ATP9A: variants seen among roughly 807,000 people sequenced by gnomAD.
The protein encoded by ATP9A is probable phospholipid-transporting ATPase IIA.
A neutral mutation model predicts 144.1 loss-of-function variants in ATP9A; 52 were observed. The observed-to-expected ratio is 0.36, with a 90% CI of 0.29 to 0.45. The LOEUF (loss-of-function observed/expected upper bound fraction) is 0.45. Among genes scored for constraint, ATP9A ranks in the 20% least tolerant of loss-of-function variants. The pLI is 1.00. For synonymous variants in ATP9A, 582 were observed against 557.4 expected, an observed-to-expected ratio of 1.04 and a Z score of -0.62; for missense variants, 947 against 1,392.7, an observed-to-expected ratio of 0.68 and a Z score of 5.09.
At chr20:51,610,074 A>T in intron 24 of ATP9A, 27 bp downstream of exon 24, 1 of 1,558,378 alleles carries the variant, frequency 6.4e-7, no homozygotes, top group Non-Finnish European at 8.8e-7. Flanking sequence ...TTTGTAAACA[A>T]TTAATTCCTT....
At chr20:51,615,713 G>A (rs1224502314) in intron 22 of ATP9A, among the ~76,000 whole-genome samples, 2 of 152,168 alleles carry the variant, frequency 1.3e-5, no homozygotes, top group African/African-American at 4.8e-5. Context: ...TCCGCTCACT[G>A]CAACCTCTGC....
intron 1 of ATP9A, among the ~76,000 whole-genome samples, chr20:51,742,216 T>C (rs1017981808): frequency 1.3e-5 from 2 of 151,832 alleles, no homozygotes; most frequent in Admixed American, 6.6e-5. Context: ...TCTCAGCTAC[T>C]TGGGGGGCTA....
At chr20:51,745,476 C>A (rs2077804188) in intron 1 of ATP9A, among the ~76,000 whole-genome samples, 1 of 151,658 alleles carries the variant, frequency 6.6e-6, no homozygotes, top group African/African-American at 2.4e-5. Flanking sequence ...TAGTCAACAG[C>A]AGTGGTTCTC....
chr20:51,743,777 G>A (rs1246741392), intron 1 of ATP9A, among the ~76,000 whole-genome samples: 1 of 149,676 alleles, frequency 6.7e-6, no homozygotes, highest in Non-Finnish European at 1.5e-5. Flanking sequence ...GGGAGGCTGA[G>A]GCGGGCGGAT....
At chr20:51,639,209 G>T (rs1210407091) in intron 15 of ATP9A, 134 bp downstream of exon 15, 3 of 1,008,320 alleles carry the variant, frequency 3.0e-6, no homozygotes, top group Non-Finnish European at 4.4e-6. Flanking sequence ...TCTGCTTAGG[G>T]AATTATATTC....
In ATP9A at chr20:51,671,190, G is replaced by C. The variant is rs1175933013; in HGVS notation, c.1105C>G (p.Pro369Ala). The C allele has an allele frequency of 1.2e-6, 2 of 1,613,890 alleles. No homozygotes were observed. The highest frequency in any genetic ancestry group is 1.7e-6 in the Non-Finnish European group (2 of 1,179,990). ...GTGCTGGAGCGAACCACGGTCCCGGGGATTTTCGAGTCCCTTCGAATCACC... is the reference window on the plus strand; with the variant it reads ...GTGCTGGAGCGAACCACGGTCCCGGCGATTTTCGAGTCCCTTCGAATCACC... ...SWVIRRDSKI[P>A]GTVVRSSTIP... is the part of the protein sequence containing the mutation. The change falls in exon 12 of 28, where the codon CCC becomes GCC. Residue 369 changes from proline to alanine, a missense_variant. By Grantham distance (27) the Pro-to-Ala change is conservative (BLOSUM62 -1). This residue lies in a region of ATP9A where 770 missense variants were observed against 1,047.9 expected (regional missense o/e 0.73). Coordinates refer to ENST00000338821, the MANE Select transcript of ATP9A (RefSeq NM_006045.3).
intron 1 of ATP9A, among the ~76,000 whole-genome samples, chr20:51,762,983 G>C (rs2077887824): frequency 1.3e-5 from 2 of 152,044 alleles, no homozygotes; most frequent in Non-Finnish European, 2.9e-5. Flanking sequence ...GCCTCCCAAA[G>C]TGCTGGGATT....
At chr20:51,616,940 C>CTTT (rs556430829) in intron 22 of ATP9A, among the ~76,000 whole-genome samples, 6 of 131,070 alleles carry the variant, frequency 4.6e-5, no homozygotes, top group African/African-American at 1.2e-4. Flanking sequence ...TATAGAGAAA[C>CTTT]TTTTTTTTTT....
intron 9 of ATP9A, among the ~76,000 whole-genome samples, chr20:51,677,145 G>A (rs1281513933): frequency 6.6e-6 from 1 of 151,338 alleles, no homozygotes; most frequent in African/African-American, 2.4e-5. Flanking sequence ...TGTTGCCCAG[G>A]CTGGTCTTGA....
In ATP9A at chr20:51,613,735, C is replaced by T. The variant is rs760297151; in HGVS notation, c.2513G>A (p.Arg838Gln). The T allele has an allele frequency of 5.6e-6, 9 of 1,614,118 alleles. No homozygotes were observed. Among genetic ancestry groups the T allele is most frequent in the South Asian group, 2.2e-5 (2 of 91,082 alleles). The change falls in exon 23 of 28, where the codon CGG becomes CAG. Residue 838 changes from arginine to glutamine, a missense_variant. Physicochemically the swap from Arg to Gln is conservative, Grantham distance 43. Around this residue, in one of 2 missense-constraint regions of ATP9A, gnomAD observed 177 missense variants for 344.9 expected, o/e 0.51. Coordinates refer to ENST00000338821, the MANE Select transcript of ATP9A (RefSeq NM_006045.3). Reference sequence around the variant, plus strand: ...CACGAACTGGCTGAGGGCGGCTGACCGCTTGTAGCTGTTCCGGCCATGCAC... The same window carrying T: ...CACGAACTGGCTGAGGGCGGCTGACTGCTTGTAGCTGTTCCGGCCATGCAC... Reference protein sequence around the residue: ...LMVHGRNSYKRSAALSQFVIH... With the variant: ...LMVHGRNSYKQSAALSQFVIH...
At chr20:51,732,903 C>T (rs139724345) in intron 1 of ATP9A, among the ~76,000 whole-genome samples, 1 of 151,858 alleles carries the variant, frequency 6.6e-6, no homozygotes, top group African/African-American at 2.4e-5. Flanking sequence ...TTTGCAGAAA[C>T]CTTACTGGAT....
chr20:51,666,342 C>T (rs1386591839), intron 13 of ATP9A, among the ~76,000 whole-genome samples: 1 of 152,156 alleles, frequency 6.6e-6, no homozygotes, highest in African/African-American at 2.4e-5. Context: ...GTGCTCCTGA[C>T]TCTGGCCCAA....
At chr20:51,638,055 G>A (rs1209072501) in intron 15 of ATP9A, among the ~76,000 whole-genome samples, 1 of 110,646 alleles carries the variant, frequency 9.0e-6, no homozygotes. Context: ...CCATGGCTAA[G>A]TAGCATTTCA....
chr20:51,674,901 C>T (rs1317647022), intron 10 of ATP9A, among the ~76,000 whole-genome samples: 1 of 152,144 alleles, frequency 6.6e-6, no homozygotes, highest in Non-Finnish European at 1.5e-5. Context: ...TGGCTCACAC[C>T]TCCTGGGTTC....
Position 51,726,071 on chromosome 20 carries a change from T to C in ATP9A, c.214-139A>G, listed in dbSNP as rs535982458. The C allele has an allele frequency of 4.8e-6, 3 of 628,390 alleles. No individual in the cohort carries two copies. The South Asian group carries it at 5.8e-5, about 12-fold the overall frequency. 38.9% of individuals were successfully genotyped at this position (628,390 alleles called of 1,614,324 possible). A position where few individuals can be genotyped will look rare whatever the true frequency, so the allele number is the denominator to read the frequency against. On this transcript the variant is annotated intron_variant, in intron 2 of 27. Coordinates refer to ENST00000338821, the MANE Select transcript of ATP9A (RefSeq NM_006045.3). ...GTTCACGCCTATAATCCCAGAACTT[T>C]GGGAGGCCGAGGCGAGCGGATCACC... is the stretch of plus-strand genomic sequence containing the variant.
chr20:51,678,529 G>A (rs879637174), intron 9 of ATP9A, among the ~76,000 whole-genome samples: 3 of 152,154 alleles, frequency 2.0e-5, no homozygotes, highest in African/African-American at 4.8e-5. Flanking sequence ...GGAGGCTCCC[G>A]GCAGATGGCA....
chr20:51,649,505 T>G (rs1421550742), intron 14 of ATP9A, among the ~76,000 whole-genome samples: 1 of 152,214 alleles, frequency 6.6e-6, no homozygotes, highest in African/African-American at 2.4e-5. Flanking sequence ...CTCACTGCCG[T>G]CAGTACCACT....
intron 13 of ATP9A, among the ~76,000 whole-genome samples, chr20:51,662,624 T>A (rs550638842): frequency 6.6e-6 from 1 of 152,180 alleles, no homozygotes; most frequent in African/African-American, 2.4e-5. Flanking sequence ...TTAAATTTGC[T>A]ATGTGAGTTC....
Position 51,690,839 on chromosome 20 carries a change from T to G in ATP9A, c.643-20A>C. 6.2e-7 allele frequency: 1 copy of G among 1,609,374 alleles called. No individual in the cohort carries two copies. The highest frequency in any genetic ancestry group is 8.5e-7 in the Non-Finnish European group (1 of 1,175,830). On this transcript the variant is annotated intron_variant, in intron 7 of 27. Transcript: ENST00000338821. ...AAGGTCCTGTTCAACAGAAGGCACA[T>G]TCGGGAGTCAAAGTCAGTTCACAAT...
Sources: allele counts gnomAD v4.1 joint callset (sites outside exome capture counted in the v4.1 genomes callset), GRCh38; gene constraint gnomAD v4.1.1; regional missense constraint gnomAD v4.1.1; transcripts MANE v1.5; gene names NCBI Gene and HGNC (gene_info 2026-07-23, HGNC 2026-07-21).